Variants in FOXO1 observed in about 807,000 individuals in gnomAD.
FOXO1 encodes the protein forkhead box O1, also known as forkhead box protein O1.
A neutral mutation model predicts 44.1 loss-of-function variants in FOXO1; 6 were observed. The observed-to-expected ratio is 0.14, with a 90% CI of 0.07 to 0.27. FOXO1 has a LOEUF of 0.27. FOXO1 is among the 10% of genes least tolerant of loss of function. The pLI is 1.00. For synonymous variants in FOXO1, 380 were observed against 362.7 expected (o/e 1.05, Z -0.54); for missense variants, 737 against 888.8 (o/e 0.83, Z 2.17).
At chr13:40,573,816 T>C (rs1248037420) in intron 1 of FOXO1, among the ~76,000 whole-genome samples, 2 of 152,222 alleles carry the variant, frequency 1.3e-5, no homozygotes, top group Non-Finnish European at 2.9e-5. Flanking sequence ...CAATACACAT[T>C]TGTGTTTGAG....
intron 1 of FOXO1, among the ~76,000 whole-genome samples, chr13:40,595,584 T>C (rs1441524318): frequency 6.6e-6 from 1 of 152,154 alleles, no homozygotes; most frequent in Admixed American, 6.5e-5. Flanking sequence ...GCAGGGGTGG[T>C]AATATTTCAT....
intron 1 of FOXO1, among the ~76,000 whole-genome samples, chr13:40,661,345 G>A (rs1410056174): frequency 6.6e-6 from 1 of 151,626 alleles, no homozygotes; most frequent in Admixed American, 6.6e-5. Flanking sequence ...ACGTGATCTC[G>A]GCTCACTGCA....
intron 1 of FOXO1, among the ~76,000 whole-genome samples, chr13:40,600,700 T>C (rs903787525): frequency 6.6e-6 from 1 of 152,236 alleles, no homozygotes; most frequent in Non-Finnish European, 1.5e-5. Context: ...TTCAGTACTC[T>C]GAAAGAGTTA....
In FOXO1 at chr13:40,560,558, A is replaced by C; in HGVS notation, c.933T>G (p.Ser311Arg). The C allele has an allele frequency of 6.2e-7, 1 of 1,614,062 alleles. No homozygotes were observed. Among genetic ancestry groups the C allele is most frequent in the Non-Finnish European group, 8.5e-7 (1 of 1,180,026 alleles). The part of the protein sequence containing the change: ...SHSNDDFDNW[S>R]TFRPRTSSNA... ...TTGAGCTAGTTCGAGGGCGAAATGT[A>C]CTCCAGTTATCAAAGTCATCATTGC... Residue 311 changes from serine to arginine, a missense_variant, in exon 2 of 3, where the codon AGT (serine) becomes AGG (arginine). Ser to Arg is a moderately radical substitution (Grantham distance 110). Transcript: ENST00000379561. The surrounding 1 kb of genome is among the most constrained non-coding windows in gnomAD (Gnocchi z 5.1).
intron 1 of FOXO1, among the ~76,000 whole-genome samples, chr13:40,606,961 T>G (rs1876021890): frequency 6.6e-6 from 1 of 152,232 alleles, no homozygotes; most frequent in Admixed American, 6.5e-5. Context: ...CCTGTCTGCC[T>G]CTGAAGCTTT....
chr13:40,589,134 A>G (rs1346410313), intron 1 of FOXO1, among the ~76,000 whole-genome samples: 1 of 152,184 alleles, frequency 6.6e-6, no homozygotes, highest in East Asian at 1.9e-4. Flanking sequence ...AATAAATGAA[A>G]GTGTCACTGA....
At chr13:40,643,235 A>G (rs1877408444) in intron 1 of FOXO1, among the ~76,000 whole-genome samples, 1 of 151,860 alleles carries the variant, frequency 6.6e-6, no homozygotes, top group Non-Finnish European at 1.5e-5. Context: ...CCAGCTACTC[A>G]GGACACTGAG....
chr13:40,653,976 T>C (rs974398821), intron 1 of FOXO1, among the ~76,000 whole-genome samples: 12 of 152,192 alleles, frequency 7.9e-5, no homozygotes, highest in African/African-American at 2.9e-4. Context: ...TGAGAAAAAC[T>C]GTTTATCCAA....
chr13:40,654,117 G>GGGTAT (rs560349600), intron 1 of FOXO1, among the ~76,000 whole-genome samples: 98 of 151,828 alleles, frequency 6.5e-4, no homozygotes, highest in African/African-American at 2.3e-3. Context: ...TAAGCTCATG[G>GGGTAT]GGTATATCAT....
chr13:40,637,170 G>T (rs150455540), intron 1 of FOXO1, among the ~76,000 whole-genome samples: 123 of 152,234 alleles, frequency 8.1e-4, no homozygotes, highest in African/African-American at 2.9e-3. Flanking sequence ...ATGGCCGAGC[G>T]CGGTGGCTCA....
chr13:40,627,358 T>G (rs1876819020), intron 1 of FOXO1, among the ~76,000 whole-genome samples: 1 of 152,178 alleles, frequency 6.6e-6, no homozygotes, highest in South Asian at 2.1e-4. Flanking sequence ...GTCAATGGCA[T>G]GAAAGACTGA....
At position 40,623,763 on chromosome 13, in the gene FOXO1, G is replaced by A. The variant is rs111628143; in HGVS notation, c.630+41820C>T. On this transcript the variant is annotated intron_variant, in intron 1 of 2. Transcript: ENST00000379561. ...AAGAAGGACATTGATAAATCAGAGCGCATCCCATAATGAGAAAGGGGTCCA... is the reference window on the plus strand; with the variant it reads ...AAGAAGGACATTGATAAATCAGAGCACATCCCATAATGAGAAAGGGGTCCA... Among the ~76,000 whole-genome samples the A allele has an allele frequency of 1.5e-3, 234 of 151,964 alleles. 1 individual carries two copies. Among genetic ancestry groups the A allele is most frequent in the African/African-American group, 3.9e-3 (161 of 41,446 alleles).
At chr13:40,587,762 CG>C (rs1318361510) in intron 1 of FOXO1, among the ~76,000 whole-genome samples, 2 of 152,188 alleles carry the variant, frequency 1.3e-5, no homozygotes, top group Admixed American at 6.5e-5. Flanking sequence ...CCAAATGAAA[CG>C]GAAGTCTTCA....
rs1234978281 is a variant in FOXO1 at position 40,558,735 on chromosome 13, C to T, written c.*314G>A. On this transcript the variant is annotated 3_prime_UTR_variant, in exon 3 of 3. Coordinates refer to ENST00000379561, the MANE Select transcript of FOXO1 (RefSeq NM_002015.4). ...CTTATATACAAAACTTGAAAGCACA[C>T]CAGGATCTGAAAATCTTTTCTGCAA... 2.5e-6 allele frequency: 1 copy of T among 398,444 alleles called. No individual in the cohort carries two copies. Among genetic ancestry groups the T allele is most frequent in the South Asian group, 1.3e-4 (1 of 7,616 alleles). The allele number at this position is 398,444 out of a possible 1,614,324, so 24.7% of individuals were successfully genotyped here. A position where few individuals can be genotyped will look rare whatever the true frequency, so the allele number is the denominator to read the frequency against.
intron 1 of FOXO1, among the ~76,000 whole-genome samples, chr13:40,597,959 C>T (rs1171945486): frequency 2.0e-5 from 3 of 152,158 alleles, no homozygotes; most frequent in African/African-American, 4.8e-5. Flanking sequence ...TGGTGGCGGG[C>T]GGTGCTCGGG....
intron 1 of FOXO1, among the ~76,000 whole-genome samples, chr13:40,566,412 T>C (rs1874271532): frequency 6.6e-6 from 1 of 151,490 alleles, no homozygotes; most frequent in Non-Finnish European, 1.5e-5. Flanking sequence ...AGAGTCTCAC[T>C]CTGTTGCCCA....
rs117611437 is a variant in FOXO1, at chr13:40,599,514, C to T, written c.631-38654G>A. On this transcript the variant is annotated intron_variant, in intron 1 of 2. Transcript: ENST00000379561. ...GTACGTGGACCCTGTGAAACCACCACTCACAGGTACTGTCACTTACTAGCA... is the reference window on the plus strand; with the variant it reads ...GTACGTGGACCCTGTGAAACCACCATTCACAGGTACTGTCACTTACTAGCA... 5.3e-3 allele frequency among the ~76,000 whole-genome samples: 815 copies of T among 152,338 alleles called. 2 individuals are homozygous for T. Among genetic ancestry groups the T allele is most frequent in the Non-Finnish European group, 8.9e-3 (608 of 68,028 alleles).
At chr13:40,605,283 T>C (rs1875953781) in intron 1 of FOXO1, among the ~76,000 whole-genome samples, 1 of 151,930 alleles carries the variant, frequency 6.6e-6, no homozygotes, top group Non-Finnish European at 1.5e-5. Context: ...GACCATATCA[T>C]TTTTTTTCCT....
intron 1 of FOXO1, among the ~76,000 whole-genome samples, chr13:40,639,107 T>C (rs1463959414): frequency 6.6e-6 from 1 of 151,862 alleles, no homozygotes; most frequent in African/African-American, 2.4e-5. Context: ...GGCAGGAGAA[T>C]CGCTTGAACC....
Sources: gnomAD v4.1 joint callset for allele counts (sites outside exome capture counted in the v4.1 genomes callset) on GRCh38, gnomAD v4.1.1 for gene constraint, Gnocchi (gnomAD v3.1) non-coding constraint, MANE v1.5 for transcripts, NCBI Gene and HGNC (gene_info 2026-07-23, HGNC 2026-07-21) for gene names.